The following TOP6BL variants were observed in gnomAD, a reference collection of about 807,000 sequenced individuals.
TOP6BL encodes the protein type 2 DNA topoisomerase 6 subunit B-like.
At chr11:66,761,696 A>G in the TOP6BL span, 1 of 887,130 alleles carries the variant, frequency 1.1e-6, no homozygotes. Flanking sequence ...TTGGTCCGCA[A>G]GGAAATCCAT....
the TOP6BL span, among the ~76,000 whole-genome samples, chr11:66,811,000 C>T: frequency 6.6e-6 from 1 of 152,166 alleles, no homozygotes; most frequent in African/African-American, 2.4e-5. Flanking sequence ...GTTTCCCAGG[C>T]TGGAGTGCAG....
At chr11:66,832,741 C>T in the TOP6BL span, among the ~76,000 whole-genome samples, 3 of 152,224 alleles carry the variant, frequency 2.0e-5, no homozygotes, top group Non-Finnish European at 2.9e-5. Context: ...CCACGCCTTG[C>T]GCAAATAAAG....
the TOP6BL span, chr11:66,815,886 G>A: frequency 3.5e-6 from 2 of 573,434 alleles, no homozygotes; most frequent in African/African-American, 1.9e-5. Context: ...ATTATGATTT[G>A]CTTCCATCAT....
the TOP6BL span, among the ~76,000 whole-genome samples, chr11:66,836,256 G>T: frequency 6.6e-6 from 1 of 151,986 alleles, no homozygotes. Context: ...TCACTCTGTT[G>T]CCCAGGCTGG....
chr11:66,840,743 T>C, the TOP6BL span, among the ~76,000 whole-genome samples: 3 of 152,234 alleles, frequency 2.0e-5, no homozygotes, highest in Non-Finnish European at 2.9e-5. Flanking sequence ...TCATTGTATC[T>C]GAACTATGTG....
the TOP6BL span, among the ~76,000 whole-genome samples, chr11:66,810,014 A>G: frequency 1.3e-5 from 2 of 152,248 alleles, no homozygotes; most frequent in African/African-American, 4.8e-5. Flanking sequence ...TCACATCATA[A>G]TCAAAGTATT....
At chr11:66,782,638 G>A in the TOP6BL span, among the ~76,000 whole-genome samples, 44 of 152,254 alleles carry the variant, frequency 2.9e-4, no homozygotes, top group African/African-American at 8.4e-4. Context: ...AACCTGGTGA[G>A]TTTCCCTTCT....
At chr11:66,814,202 C>T in the TOP6BL span, among the ~76,000 whole-genome samples, 288 of 152,014 alleles carry the variant, frequency 1.9e-3, 1 homozygote, top group African/African-American at 6.3e-3. Flanking sequence ...AGGTGTCAAA[C>T]AGGCAAGCTC....
At chr11:66,786,868 G>A in the TOP6BL span, among the ~76,000 whole-genome samples, 1 of 151,758 alleles carries the variant, frequency 6.6e-6, no homozygotes, top group Non-Finnish European at 1.5e-5. Context: ...AACTGAATTA[G>A]GTTTGAAAAA....
the TOP6BL span, among the ~76,000 whole-genome samples, chr11:66,757,172 G>A: frequency 2.0e-5 from 3 of 151,848 alleles, no homozygotes; most frequent in African/African-American, 2.4e-5. Context: ...GTGAAACTTC[G>A]TCTCTACTAA....
chr11:66,843,101 T>C, the TOP6BL span: 1 of 1,594,508 alleles, frequency 6.3e-7, no homozygotes, highest in Non-Finnish European at 8.5e-7. Context: ...AGGGAAGGGC[T>C]CAGCAGGAGG....
At chr11:66,766,276 T>C in the TOP6BL span, among the ~76,000 whole-genome samples, 1 of 152,194 alleles carries the variant, frequency 6.6e-6, no homozygotes, top group Non-Finnish European at 1.5e-5. Context: ...CAGGGTTGTA[T>C]CAAGGTACTT....
the TOP6BL span, chr11:66,758,194 T>G: frequency 1.1e-6 from 1 of 935,008 alleles, no homozygotes; most frequent in Non-Finnish European, 1.3e-6. Flanking sequence ...TGGTGCCTGC[T>G]TCCTTATTCA....
At chr11:66,834,438 C>G in the TOP6BL span, among the ~76,000 whole-genome samples, 1 of 152,120 alleles carries the variant, frequency 6.6e-6, no homozygotes, top group Non-Finnish European at 1.5e-5. Context: ...AGAGTGGCAC[C>G]CAGTGGCTTC....
At chr11:66,745,501 C>T in the TOP6BL span, among the ~76,000 whole-genome samples, 1 of 152,232 alleles carries the variant, frequency 6.6e-6, no homozygotes, top group Non-Finnish European at 1.5e-5. Flanking sequence ...CACTGAGCGC[C>T]TGGCGCCGGC....
At chr11:66,815,771 G>C in the TOP6BL span, 6 of 280,746 alleles carry the variant, frequency 2.1e-5, no homozygotes, top group East Asian at 3.8e-4. Flanking sequence ...GTTGTACAAG[G>C]AATCAATGAA....
At chr11:66,745,309 C>T in the TOP6BL span, among the ~76,000 whole-genome samples, 1 of 11,812 alleles carries the variant, frequency 8.5e-5, no homozygotes, top group African/African-American at 2.9e-4. Flanking sequence ...CGTTGCGGGG[C>T]GGGGTGGGGG....
chr11:66,826,665 CTTTT>C, the TOP6BL span, among the ~76,000 whole-genome samples: 1 of 146,524 alleles, frequency 6.8e-6, no homozygotes, highest in Non-Finnish European at 1.5e-5. Flanking sequence ...TGGGTCACTT[CTTTT>C]TTTTTTATTT....
At chr11:66,804,151 G>A in the TOP6BL span, 4 of 1,613,492 alleles carry the variant, frequency 2.5e-6, no homozygotes, top group Non-Finnish European at 2.5e-6. Flanking sequence ...CCAGCCCAAA[G>A]GTTTCTTCCA....
Sources: allele counts gnomAD v4.1 joint callset (sites outside exome capture counted in the v4.1 genomes callset), GRCh38; gene constraint gnomAD v4.1.1; transcripts MANE v1.5; gene names NCBI Gene and HGNC (gene_info 2026-07-23, HGNC 2026-07-21).